Variants in PRKN observed in about 807,000 individuals in gnomAD.
PRKN encodes E3 ubiquitin-protein ligase parkin.
PRKN carries 56 observed loss-of-function variants against 59.5 expected under a neutral mutation model. The observed-to-expected ratio is 0.94, with a 90% CI of 0.76 to 1.18. The LOEUF is 1.18. Among genes scored for constraint, PRKN ranks in the 50% most tolerant of loss-of-function variants. The probability of loss-of-function intolerance (pLI) is 0.00; values close to 1 mark genes in which losing one functional copy is unlikely to be tolerated. For missense variants in PRKN, 657 were observed against 596.4 expected (o/e 1.10, Z -1.06); for synonymous variants, 250 against 222.1 (o/e 1.13, Z -1.12).
At chr6:162,304,249 T>G (rs983601232) in intron 2 of PRKN, among the ~76,000 whole-genome samples, 1 of 150,800 alleles carries the variant, frequency 6.6e-6, no homozygotes, top group Non-Finnish European at 1.5e-5. Flanking sequence ...CTCGTCTAAA[T>G]AGTCAGTTTT....
intron 5 of PRKN, among the ~76,000 whole-genome samples, chr6:161,974,159 C>T (rs535882570): frequency 3.6e-4 from 55 of 152,210 alleles, no homozygotes; most frequent in African/African-American, 1.3e-3. Flanking sequence ...CCTAGCTACT[C>T]GAGAGGCTGA....
At chr6:161,439,683 T>C (rs918396410) in intron 9 of PRKN, among the ~76,000 whole-genome samples, 2 of 143,108 alleles carry the variant, frequency 1.4e-5, no homozygotes, top group Non-Finnish European at 3.1e-5. Context: ...AGTGTACCTT[T>C]GGTGAAACAA....
intron 1 of PRKN, among the ~76,000 whole-genome samples, chr6:162,589,172 T>C (rs957532546): frequency 6.6e-6 from 1 of 152,170 alleles, no homozygotes; most frequent in Non-Finnish European, 1.5e-5. Flanking sequence ...CTTTACATAG[T>C]CCCTTATGCC....
chr6:161,673,709 C>T (rs1328456725), intron 7 of PRKN, among the ~76,000 whole-genome samples: 1 of 152,120 alleles, frequency 6.6e-6, no homozygotes, highest in Non-Finnish European at 1.5e-5. Flanking sequence ...CAGGAAACAG[C>T]CCATGGTGGC....
chr6:162,266,325 T>TGTGTGTGTGTCTGTGTCTGA (rs1554293030), intron 2 of PRKN: 3 of 152,846 alleles, frequency 2.0e-5, no homozygotes, highest in African/African-American at 4.8e-5. Flanking sequence ...TGTGTGTGTG[T>TGTGTGTGTGTCTGTGTCTGA]GTGTGTGTGT....
chr6:161,508,534 C>T (rs1015599456), intron 9 of PRKN, among the ~76,000 whole-genome samples: 1 of 152,188 alleles, frequency 6.6e-6, no homozygotes, highest in Non-Finnish European at 1.5e-5. Flanking sequence ...AAGATCATTT[C>T]CATTTGCTCT....
intron 4 of PRKN, among the ~76,000 whole-genome samples, chr6:162,144,781 T>G (rs1234488973): frequency 6.6e-6 from 1 of 152,158 alleles, no homozygotes; most frequent in African/African-American, 2.4e-5. Flanking sequence ...ACCCTGACTG[T>G]AAAGCTTCGG....
At chr6:162,371,849 T>C (rs879284786) in intron 2 of PRKN, among the ~76,000 whole-genome samples, 1 of 152,206 alleles carries the variant, frequency 6.6e-6, no homozygotes, top group East Asian at 1.9e-4. Context: ...CTTCTCCGCC[T>C]TCCTCAAACA....
intron 1 of PRKN, among the ~76,000 whole-genome samples, chr6:162,518,112 T>C (rs1014957583): frequency 2.0e-5 from 3 of 152,192 alleles, no homozygotes; most frequent in Admixed American, 6.5e-5. Flanking sequence ...GACTATTCAT[T>C]AGTTTGAGAA....
intron 6 of PRKN, among the ~76,000 whole-genome samples, chr6:161,954,372 C>T (rs1780096120): frequency 6.6e-6 from 1 of 152,106 alleles, no homozygotes; most frequent in Admixed American, 6.6e-5. Flanking sequence ...TCACTGATGC[C>T]GCCACAGTGA....
chr6:162,123,904 G>A (rs1011131155), intron 4 of PRKN, among the ~76,000 whole-genome samples: 4 of 152,076 alleles, frequency 2.6e-5, no homozygotes, highest in Non-Finnish European at 5.9e-5. Context: ...CTAGTTTCTT[G>A]TTAGACTATA....
intron 1 of PRKN, among the ~76,000 whole-genome samples, chr6:162,718,344 T>C (rs1355620299): frequency 6.6e-6 from 1 of 152,150 alleles, no homozygotes; most frequent in African/African-American, 2.4e-5. Context: ...TTTAATGAAT[T>C]TACACACTAA....
chr6:162,089,198 CAAG>C (rs1779373678), intron 4 of PRKN, among the ~76,000 whole-genome samples: 1 of 151,772 alleles, frequency 6.6e-6, no homozygotes, highest in South Asian at 2.1e-4. Flanking sequence ...TACAACTTAA[CAAG>C]GAGAAGACAA....
chr6:161,689,222 A>ACG (rs1254936935), intron 7 of PRKN, among the ~76,000 whole-genome samples: 1 of 149,750 alleles, frequency 6.7e-6, no homozygotes, highest in Non-Finnish European at 1.5e-5. Flanking sequence ...ACACACACAC[A>ACG]CACACACACA....
At chr6:162,259,376 C>T (rs1387209269) in intron 3 of PRKN, among the ~76,000 whole-genome samples, 1 of 152,112 alleles carries the variant, frequency 6.6e-6, no homozygotes, top group African/African-American at 2.4e-5. Context: ...TGGTCAGTAC[C>T]AACATTTTGG....
chr6:162,248,012 C>CA (rs1779268517), intron 3 of PRKN, among the ~76,000 whole-genome samples: 1 of 152,154 alleles, frequency 6.6e-6, no homozygotes, highest in Admixed American at 6.5e-5. Flanking sequence ...CAACAATATA[C>CA]TTTATACTTA....
At chr6:162,234,661 A>G (rs1778569915) in intron 3 of PRKN, among the ~76,000 whole-genome samples, 1 of 152,180 alleles carries the variant, frequency 6.6e-6, no homozygotes, top group South Asian at 2.1e-4. Context: ...TATTTATTTT[A>G]AAATTTGCAT....
chr6:162,538,654 G>A (rs575390445), intron 1 of PRKN, among the ~76,000 whole-genome samples: 197 of 152,264 alleles, frequency 1.3e-3, no homozygotes, highest in African/African-American at 4.5e-3. Context: ...ACGACCGCGT[G>A]TGGGAAGTCA....
Position 161,358,849 on chromosome 6 carries a change from C to T in PRKN, c.1285+1239G>A, listed in dbSNP as rs1784867892. 3.1e-5 allele frequency among the ~76,000 whole-genome samples: 4 copies of T among 127,316 alleles called. No individual in the cohort carries two copies. In the Admixed American group the frequency reaches 3.7e-4, roughly 12 times the overall value. 83.5% of individuals were successfully genotyped at this position (127,316 alleles called of 152,430 possible). A position where few individuals can be genotyped will look rare whatever the true frequency, so the allele number is the denominator to read the frequency against. On this transcript the variant is annotated intron_variant, in intron 11 of 11. Transcript: ENST00000366898. ...TCACTCTGTCGCCCAGGCTGGAGTG[C>T]AGTGGTGCAATCTCGGCTCACTGCA...
Sources: gnomAD v4.1 joint callset for allele counts (sites outside exome capture counted in the v4.1 genomes callset) on GRCh38, gnomAD v4.1.1 for gene constraint, MANE v1.5 for transcripts, NCBI Gene and HGNC (gene_info 2026-07-23, HGNC 2026-07-21) for gene names.